Variants in PCDH15 observed in about 807,000 individuals in gnomAD.
PCDH15 encodes the protein protocadherin-15.
PCDH15 carries 129 observed loss-of-function variants against 178.5 expected under a neutral mutation model. That is an observed-to-expected ratio of 0.72 (90% confidence interval 0.63 to 0.84). The LOEUF is 0.84. Among genes scored for constraint, PCDH15 ranks in the 40% least tolerant of loss-of-function variants. The pLI is 0.00. For synonymous variants in PCDH15, 800 were observed against 732.0 expected (o/e 1.09, Z -1.50); for missense variants, 2,230 against 2,099.9 (o/e 1.06, Z -1.21).
At chr10:55,096,276 G>C (rs1480311827) in intron 2 of PCDH15, among the ~76,000 whole-genome samples, 1 of 152,054 alleles carries the variant, frequency 6.6e-6, no homozygotes, top group Non-Finnish European at 1.5e-5. Context: ...TATTTTCTTA[G>C]ACATTAACTC....
intron 18 of PCDH15, among the ~76,000 whole-genome samples, chr10:54,032,772 C>G (rs927843598): frequency 2.0e-5 from 3 of 151,958 alleles, no homozygotes; most frequent in African/African-American, 7.2e-5. Flanking sequence ...AATAACTTCC[C>G]AGAAACTGGG....
intron 2 of PCDH15, among the ~76,000 whole-genome samples, chr10:54,576,226 T>A (rs1278805181): frequency 6.6e-6 from 1 of 152,192 alleles, no homozygotes; most frequent in East Asian, 1.9e-4. Flanking sequence ...TAAAGTTCCA[T>A]ATCAATGCAA....
rs753736272 is a variant in PCDH15, at chr10:55,390,294, T to C, written c.-155-223643A>G. ...TCTGAGTCCTCAGTGAATCCTAATC[T>C]TTTTTGCTTGTGAAGGGTTTTGGCT... On this transcript the variant is annotated intron_variant, in intron 2 of 5. Transcript: ENST00000613346. 4.6e-5 allele frequency among the ~76,000 whole-genome samples: 7 copies of C among 152,152 alleles called. 1 individual carries two copies. The highest frequency in any genetic ancestry group is 8.8e-5 in the Non-Finnish European group (6 of 68,022).
chr10:54,357,532 G>C (rs1367717639), intron 5 of PCDH15, among the ~76,000 whole-genome samples: 2 of 151,986 alleles, frequency 1.3e-5, no homozygotes, highest in African/African-American at 2.4e-5. Flanking sequence ...ACAAATGGAA[G>C]AACATTCCAT....
intron 2 of PCDH15, among the ~76,000 whole-genome samples, chr10:55,457,328 G>A (rs117423431): frequency 4.6e-5 from 7 of 151,988 alleles, no homozygotes; most frequent in Non-Finnish European, 8.8e-5. Flanking sequence ...TACTCATTTT[G>A]CATTAATATG....
chr10:54,802,375 G>A (rs1018838878), upstream of PCDH15, among the ~76,000 whole-genome samples: 1 of 152,280 alleles, frequency 6.6e-6, no homozygotes, highest in Admixed American at 6.5e-5. Context: ...AGCCAAATGT[G>A]TTATACATTT....
At chr10:54,849,992 T>A (rs1431897079) in intron 3 of PCDH15, among the ~76,000 whole-genome samples, 3 of 152,122 alleles carry the variant, frequency 2.0e-5, no homozygotes, top group African/African-American at 7.2e-5. Flanking sequence ...AGGTATCAGA[T>A]ACTGAGACAG....
At chr10:55,320,651 C>CCA (rs568503682), upstream of PCDH15, among the ~76,000 whole-genome samples, 1 of 152,144 alleles carries the variant, frequency 6.6e-6, no homozygotes, top group Non-Finnish European at 1.5e-5. Context: ...CCACCCCCCC[C>CCA]AGAATTAGAG....
intron 2 of PCDH15, among the ~76,000 whole-genome samples, chr10:55,547,258 G>T (rs1214992164): frequency 6.6e-6 from 1 of 152,120 alleles, no homozygotes; most frequent in Admixed American, 6.6e-5. Context: ...AGATATCAAT[G>T]ATACAGTTTC....
intron 3 of PCDH15, among the ~76,000 whole-genome samples, chr10:54,382,088 A>G (rs1347410021): frequency 1.3e-5 from 2 of 152,156 alleles, no homozygotes; most frequent in Non-Finnish European, 2.9e-5. Context: ...GCACAGTTAA[A>G]TATTTATTGA....
At chr10:54,159,395 A>C (rs1262582459) in intron 13 of PCDH15, among the ~76,000 whole-genome samples, 1 of 152,120 alleles carries the variant, frequency 6.6e-6, no homozygotes, top group Non-Finnish European at 1.5e-5. Flanking sequence ...GGATGTACCT[A>C]AGACTGAGAC....
At chr10:53,949,377 G>T (rs1442544701) in intron 23 of PCDH15, among the ~76,000 whole-genome samples, 2 of 152,160 alleles carry the variant, frequency 1.3e-5, no homozygotes, top group African/African-American at 4.8e-5. Flanking sequence ...TATGCTCTCT[G>T]CATATGCATT....
rs1287970288 is a variant in PCDH15 at position 53,822,744 on chromosome 10, G to T, written c.4368-2514C>A. The T allele has an allele frequency of 6.2e-7, 1 of 1,614,076 alleles. No homozygotes were observed. Among genetic ancestry groups the T allele is most frequent in the African/African-American group, 1.3e-5 (1 of 75,032 alleles). ...GAAGTGAGGCCTGGGAAAGCAAAAT[G>T]AAGAGTCTGAAGAGAGAGATTTCAA... On this transcript the variant is annotated intron_variant, in intron 32 of 37. Transcript: ENST00000644397.
At chr10:53,863,156 A>C (rs1020429854) in intron 27 of PCDH15, among the ~76,000 whole-genome samples, 2 of 152,198 alleles carry the variant, frequency 1.3e-5, no homozygotes, top group South Asian at 2.1e-4. Flanking sequence ...CTTTAGTGTA[A>C]AGATGTAAGT....
At chr10:54,987,114 T>C (rs1839390633) in intron 2 of PCDH15, among the ~76,000 whole-genome samples, 1 of 151,984 alleles carries the variant, frequency 6.6e-6, no homozygotes, top group Non-Finnish European at 1.5e-5. Flanking sequence ...GAACATGTGG[T>C]GTTCGGTTTT....
At chr10:55,330,838 A>ATT (rs1554853795) in intron 2 of PCDH15, among the ~76,000 whole-genome samples, 1 of 144,614 alleles carries the variant, frequency 6.9e-6, no homozygotes, top group African/African-American at 2.5e-5. Flanking sequence ...AGATTTATTT[A>ATT]TGTGTGTGTG....
At chr10:55,057,863 T>C (rs1033696813) in intron 2 of PCDH15, among the ~76,000 whole-genome samples, 37 of 152,232 alleles carry the variant, frequency 2.4e-4, no homozygotes, top group African/African-American at 8.9e-4. Flanking sequence ...TGCATTCCAT[T>C]CTTTAAATGA....
At chr10:54,641,988 A>C (rs557539626) in intron 2 of PCDH15, among the ~76,000 whole-genome samples, 14 of 152,218 alleles carry the variant, frequency 9.2e-5, no homozygotes, top group African/African-American at 3.4e-4. Context: ...TTTGATTTAC[A>C]TTGGCCTTTA....
At position 54,718,847 on chromosome 10, in the gene PCDH15, C is replaced by T. The variant is rs113538650; in HGVS notation, c.-28-54557G>A. On this transcript the variant is annotated intron_variant, in intron 1 of 37. Coordinates refer to ENST00000644397, the MANE Select transcript of PCDH15 (RefSeq NM_001384140.1). ...AAGTAGCTGGCACTACAGGCATGCA[C>T]CACCATGTCCAGCTAATTTTTGTAT... Among the ~76,000 whole-genome samples the T allele has an allele frequency of 1.4e-3, 207 of 151,910 alleles. 1 individual carries two copies. In the South Asian group the frequency reaches 0.015, roughly 11 times the overall value.
Sources: allele counts gnomAD v4.1 joint callset (sites outside exome capture counted in the v4.1 genomes callset), GRCh38; gene constraint gnomAD v4.1.1; transcripts MANE v1.5; gene names NCBI Gene and HGNC (gene_info 2026-07-23, HGNC 2026-07-21).